The following RBM33 variants were observed in gnomAD, a reference collection of about 807,000 sequenced individuals.
RBM33 encodes the protein RNA binding motif protein 33, also known as RNA-binding protein 33.
A neutral mutation model predicts 132.6 loss-of-function variants in RBM33; 28 were observed. The observed-to-expected ratio is 0.21, with a 90% CI of 0.16 to 0.29. The LOEUF is 0.29. Among genes scored for constraint, RBM33 ranks in the 10% least tolerant of loss-of-function variants. The probability of loss-of-function intolerance (pLI) is 1.00; values close to 1 mark genes in which losing one functional copy is unlikely to be tolerated. For missense variants in RBM33, 1,291 were observed against 1,518.5 expected, an observed-to-expected ratio of 0.85 and a Z score of 2.49; for synonymous variants, 634 against 593.0, an observed-to-expected ratio of 1.07 and a Z score of -1.01.
At chr7:155,753,432 G>T (rs1235973034) in intron 14 of RBM33, among the ~76,000 whole-genome samples, 1 of 152,194 alleles carries the variant, frequency 6.6e-6, no homozygotes, top group African/African-American at 2.4e-5. Flanking sequence ...GGGAACCCAC[G>T]TTTTTTAGCC....
At position 155,775,147 on chromosome 7, in the gene RBM33, C is replaced by T. The variant is rs779681499; in HGVS notation, c.*106C>T. On this transcript the variant is annotated 3_prime_UTR_variant, in exon 18 of 18. Coordinates refer to ENST00000401878, the MANE Select transcript of RBM33 (RefSeq NM_053043.3). ...CCCAGGAGCACAGGTCTCTCCGGGC[C>T]GCTGTCCTGCGTAACTGTTCTCCAG... is the stretch of plus-strand genomic sequence containing the variant. 10 of 978,302 alleles carry T rather than the reference C, an allele frequency of 1.0e-5. No individual in the cohort carries two copies. The highest frequency in any genetic ancestry group is 3.9e-5 in the South Asian group (3 of 76,262). The allele number at this position is 978,302 out of a possible 1,614,324, so 60.6% of individuals were successfully genotyped here. A position where few individuals can be genotyped will look rare whatever the true frequency, so the allele number is the denominator to read the frequency against.
intron 7 of RBM33, 35 bp downstream of exon 7, chr7:155,707,103 T>C (rs1800139773): frequency 6.7e-7 from 1 of 1,499,226 alleles, no homozygotes; most frequent in Admixed American, 2.1e-5. Flanking sequence ...GCCCTAGAAC[T>C]TCAGAACAAA....
rs145581788 is a variant in RBM33, at chr7:155,715,532, G to A, written c.1202-2853G>A. 1.2e-4 allele frequency among the ~76,000 whole-genome samples: 19 copies of A among 152,278 alleles called. No individual in the cohort carries two copies. The East Asian group carries it at 2.7e-3, about 22-fold the overall frequency. Reference sequence around the variant, plus strand: ...GCAGGCCTTGCACCCCAAAGCGCACGTGTGATTTAGCAACTACTCCAAGGT... The same window carrying A: ...GCAGGCCTTGCACCCCAAAGCGCACATGTGATTTAGCAACTACTCCAAGGT... On this transcript the variant is annotated intron_variant, in intron 8 of 17. Transcript: ENST00000401878.
intron 11 of RBM33, chr7:155,739,511 G>T: frequency 1.7e-6 from 1 of 596,394 alleles, no homozygotes; most frequent in Non-Finnish European, 2.9e-6. Flanking sequence ...AGAATTACTG[G>T]ATTAAATATA....
chr7:155,743,894 C>T (rs1218661344), intron 13 of RBM33, among the ~76,000 whole-genome samples: 4 of 152,178 alleles, frequency 2.6e-5, no homozygotes, highest in South Asian at 2.1e-4. Flanking sequence ...CACTATCCCC[C>T]TGGACGCCAT....
chr7:155,766,294 G>A (rs1019699310), intron 15 of RBM33, among the ~76,000 whole-genome samples, 173 bp from the exon 16 acceptor site: 5 of 152,126 alleles, frequency 3.3e-5, no homozygotes, highest in Non-Finnish European at 7.3e-5. Context: ...GGATATAGTT[G>A]TCTCATTTAG....
chr7:155,645,062 C>T (rs910453581), intron 1 of RBM33, 143 bp downstream of exon 1: 4 of 547,816 alleles, frequency 7.3e-6, no homozygotes, highest in Admixed American at 4.2e-5. Flanking sequence ...CGTTTTCTCC[C>T]TCGCCTTCCC....
intron 6 of RBM33, among the ~76,000 whole-genome samples, chr7:155,701,750 C>T (rs553946439): frequency 5.9e-5 from 9 of 152,150 alleles, no homozygotes; most frequent in Admixed American, 1.3e-4. Context: ...TACAGTGGCA[C>T]AATCTTGGCT....
chr7:155,682,848 A>C (rs965001193), intron 5 of RBM33, among the ~76,000 whole-genome samples: 13 of 152,216 alleles, frequency 8.5e-5, no homozygotes, highest in African/African-American at 3.1e-4. Context: ...GTCAAACTTG[A>C]GATTACACAT....
rs115166741 is a variant in RBM33, at chr7:155,667,754, A to G, written c.122+2501A>G. On this transcript the variant is annotated intron_variant, in intron 2 of 17. Coordinates refer to ENST00000401878, the MANE Select transcript of RBM33 (RefSeq NM_053043.3). ...CTTAAGAAATTCTTCCCTTCCTTGT[A>G]TTCTAGATATCTCCTGCATGTGTCT... Among the ~76,000 whole-genome samples the G allele has an allele frequency of 7.0e-3, 1,060 of 152,206 alleles. 17 individuals carry two copies. The highest frequency in any genetic ancestry group is 0.024 in the African/African-American group (996 of 41,518).
chr7:155,654,740 TAA>T (rs1375836738), intron 1 of RBM33, among the ~76,000 whole-genome samples: 3 of 152,252 alleles, frequency 2.0e-5, no homozygotes, highest in Admixed American at 2.0e-4. Flanking sequence ...TACTCAAATT[TAA>T]GTCATTCATT....
intron 1 of RBM33, among the ~76,000 whole-genome samples, chr7:155,648,889 T>A (rs1005946940): frequency 6.6e-6 from 1 of 152,198 alleles, no homozygotes; most frequent in South Asian, 2.1e-4. Flanking sequence ...TTATGGAGGA[T>A]CCTTTGTACA....
chr7:155,743,555 T>G (rs903632665), intron 13 of RBM33, among the ~76,000 whole-genome samples: 1 of 152,242 alleles, frequency 6.6e-6, no homozygotes, highest in East Asian at 1.9e-4. Flanking sequence ...TTTCTTTTAA[T>G]TTTCTCTCTC....
chr7:155,733,756 A>AT (rs1355924259), intron 9 of RBM33, among the ~76,000 whole-genome samples: 4 of 152,206 alleles, frequency 2.6e-5, no homozygotes, highest in African/African-American at 9.7e-5. Flanking sequence ...GAGTCCTGGC[A>AT]AGTAGAAAGA....
intron 5 of RBM33, among the ~76,000 whole-genome samples, chr7:155,695,978 G>C (rs1412076076): frequency 6.6e-6 from 1 of 152,054 alleles, no homozygotes; most frequent in Non-Finnish European, 1.5e-5. Context: ...TTTTCCATAC[G>C]TTTTTCTAAT....
intron 2 of RBM33, among the ~76,000 whole-genome samples, chr7:155,666,719 G>T (rs1367520406): frequency 6.6e-6 from 1 of 151,742 alleles, no homozygotes; most frequent in African/African-American, 2.4e-5. Context: ...TTTTCTTTTG[G>T]GTTGTTTGTC....
chr7:155,739,808 C>CAA lies in RBM33; in HGVS notation c.1831_1832insAA (p.Pro611GlnfsTer40). 1 of 1,414,348 alleles carries CAA rather than the reference C, an allele frequency of 7.1e-7. No homozygotes were observed. Among genetic ancestry groups the CAA allele is most frequent in the Non-Finnish European group, 9.7e-7 (1 of 1,035,346 alleles). 87.6% of individuals were successfully genotyped at this position (1,414,348 alleles called of 1,614,324 possible). ...GCCACAGCACCAGCCTCCGCACCAG[C>CAA]CCCCGCACCAGCCCCCGCCCCAGCA... On this transcript the variant is annotated frameshift_variant, in exon 12 of 18. Transcript: ENST00000401878. LOFTEE classifies it high-confidence loss of function.
At chr7:155,665,283 C>T (rs373947430) in intron 2 of RBM33, 30 bp downstream of exon 2, 41 of 1,592,314 alleles carry the variant, frequency 2.6e-5, no homozygotes, top group Non-Finnish European at 3.4e-5. Context: ...CACCTAACTG[C>T]CTGTGCCGAT....
intron 9 of RBM33, among the ~76,000 whole-genome samples, chr7:155,732,770 G>A (rs577509295): frequency 6.6e-6 from 1 of 152,350 alleles, no homozygotes; most frequent in South Asian, 2.1e-4. Flanking sequence ...AGGCAGAGGG[G>A]ACAGCTGTGT....
Sources: gnomAD v4.1 joint callset for allele counts (sites outside exome capture counted in the v4.1 genomes callset) on GRCh38, gnomAD v4.1.1 for gene constraint, MANE v1.5 for transcripts, NCBI Gene and HGNC (gene_info 2026-07-23, HGNC 2026-07-21) for gene names.